The following CDH13 variants were observed in gnomAD, a reference collection of about 807,000 sequenced individuals.
The protein encoded by CDH13 is cadherin-13.
A neutral mutation model predicts 63.8 loss-of-function variants in CDH13; 24 were observed. The observed-to-expected ratio is 0.38, with a 90% CI of 0.27 to 0.53. The LOEUF (loss-of-function observed/expected upper bound fraction) is 0.53. Ranked by LOEUF, CDH13 falls within the 20% of genes least tolerant of loss-of-function variation. The pLI is 0.85. For missense variants in CDH13, 1,049 were observed against 903.1 expected, an observed-to-expected ratio of 1.16 and a Z score of -2.07; for synonymous variants, 503 against 355.3, an observed-to-expected ratio of 1.42 and a Z score of -4.67.
In CDH13 at chr16:82,730,843, T is replaced by A. The variant is rs7196302; in HGVS notation, c.45+103706T>A. On this transcript the variant is annotated intron_variant, in intron 1 of 13. Coordinates refer to ENST00000567109, the MANE Select transcript of CDH13 (RefSeq NM_001257.5). ...CCAGCCCAGATTTGTTACATTTTCATGAATTTTTCAAATGTTTTGTTAAAT... is the reference window on the plus strand; with the variant it reads ...CCAGCCCAGATTTGTTACATTTTCAAGAATTTTTCAAATGTTTTGTTAAAT... 9.6e-3 allele frequency among the ~76,000 whole-genome samples: 1,460 copies of A among 152,324 alleles called. 23 individuals are homozygous for A. The highest frequency in any genetic ancestry group is 0.034 in the African/African-American group (1,404 of 41,562).
chr16:82,652,246 G>A (rs1910806159), intron 1 of CDH13, among the ~76,000 whole-genome samples: 1 of 152,180 alleles, frequency 6.6e-6, no homozygotes, highest in Admixed American at 6.5e-5. Context: ...AGCCTGTCAT[G>A]GTGGAACCCC....
At chr16:83,513,410 A>G (rs760361205) in intron 7 of CDH13, among the ~76,000 whole-genome samples, 2 of 152,136 alleles carry the variant, frequency 1.3e-5, no homozygotes, top group African/African-American at 4.8e-5. Context: ...AAAAAGTGCA[A>G]ACTTCTCCTG....
chr16:83,742,669 G>A (rs1291327642), intron 10 of CDH13, among the ~76,000 whole-genome samples: 4 of 152,222 alleles, frequency 2.6e-5, no homozygotes, highest in African/African-American at 4.8e-5. Context: ...GCCAGGAAGC[G>A]GGAGAGCAGG....
At chr16:83,031,395 C>G (rs1157196664) in intron 2 of CDH13, among the ~76,000 whole-genome samples, 2 of 141,366 alleles carry the variant, frequency 1.4e-5, no homozygotes, top group Non-Finnish European at 3.1e-5. Flanking sequence ...TATGTATATA[C>G]ATATACATGT....
intron 6 of CDH13, among the ~76,000 whole-genome samples, chr16:83,463,838 C>T (rs1290540367): frequency 5.9e-5 from 9 of 152,076 alleles, no homozygotes; most frequent in Admixed American, 3.3e-4. Flanking sequence ...TGGAGCACTT[C>T]GGATTCTGTT....
intron 10 of CDH13, 150 bp from the exon 11 acceptor site, chr16:83,747,958 G>A (rs1338621005): frequency 3.7e-6 from 3 of 804,864 alleles, no homozygotes; most frequent in Admixed American, 1.9e-5. Flanking sequence ...TCTTGACTTT[G>A]TGAATGAGCA....
chr16:83,792,632 C>G (rs535779494), intron 13 of CDH13, among the ~76,000 whole-genome samples: 2 of 152,268 alleles, frequency 1.3e-5, no homozygotes, highest in East Asian at 1.9e-4. Context: ...CAGCACCCCC[C>G]ACAAAGAATT....
At chr16:83,034,750 C>T (rs1014205057) in intron 3 of CDH13, among the ~76,000 whole-genome samples, 4 of 152,118 alleles carry the variant, frequency 2.6e-5, no homozygotes, top group African/African-American at 7.2e-5. Flanking sequence ...GGCAGGTTCT[C>T]GGGACCAACC....
intron 4 of CDH13, among the ~76,000 whole-genome samples, chr16:83,210,717 A>G (rs2039314425): frequency 6.6e-6 from 1 of 151,920 alleles, no homozygotes; most frequent in Admixed American, 6.6e-5. Context: ...TTTTCTATAC[A>G]AGGAAAAAAG....
intron 2 of CDH13, among the ~76,000 whole-genome samples, chr16:82,949,928 G>C (rs762450689): frequency 3.9e-5 from 6 of 152,016 alleles, no homozygotes; most frequent in Non-Finnish European, 8.8e-5. Context: ...TGTTCACTGT[G>C]GTTTACTTGG....
intron 3 of CDH13, among the ~76,000 whole-genome samples, chr16:83,051,670 G>A (rs191790868): frequency 6.6e-6 from 1 of 152,318 alleles, no homozygotes; most frequent in Admixed American, 6.5e-5. Flanking sequence ...TTCCCACTTA[G>A]AGCAAGATCT....
chr16:83,596,444 T>C (rs535359049), intron 7 of CDH13, among the ~76,000 whole-genome samples: 1 of 152,178 alleles, frequency 6.6e-6, no homozygotes, highest in Non-Finnish European at 1.5e-5. Context: ...TAGTCAATTC[T>C]TGGCAAGAGA....
rs767018555 is a variant in CDH13, at chr16:83,358,296, C to T, written c.781+13290C>T. On this transcript the variant is annotated intron_variant, in intron 6 of 13. Coordinates refer to ENST00000567109, the MANE Select transcript of CDH13 (RefSeq NM_001257.5). ...ACCTAGGAAGAGTACCCTGTATTCT[C>T]CTCCTACCACCTATTTCTTTTGCTG... Among the ~76,000 whole-genome samples, 60 of 152,124 alleles carry T rather than the reference C, an allele frequency of 3.9e-4. 1 individual carries two copies. Among genetic ancestry groups the T allele is most frequent in the Non-Finnish European group, 7.6e-4 (52 of 68,018 alleles).
At chr16:83,028,030 T>C (rs925889526) in intron 2 of CDH13, among the ~76,000 whole-genome samples, 3 of 152,156 alleles carry the variant, frequency 2.0e-5, no homozygotes, top group African/African-American at 7.2e-5. Flanking sequence ...GAAACTTAGC[T>C]GGGAATCCAG....
chr16:83,795,076 AG>A lies in CDH13; in HGVS notation c.*48del. The stretch of plus-strand genomic sequence containing the variant: ...TTGACTCCCAAGTTTCCATAGCAAC[AG>A]GAAAAAAAAAAATCTATCCAAATCT... On this transcript the variant is annotated 3_prime_UTR_variant, in exon 14 of 14. Coordinates refer to ENST00000567109, the MANE Select transcript of CDH13 (RefSeq NM_001257.5). 1 of 1,534,846 alleles carries A rather than the reference AG, an allele frequency of 6.5e-7. No homozygotes were observed. The highest frequency in any genetic ancestry group is 8.8e-7 in the Non-Finnish European group (1 of 1,134,594).
At chr16:82,912,932 G>C (rs1282621323) in intron 2 of CDH13, among the ~76,000 whole-genome samples, 2 of 148,794 alleles carry the variant, frequency 1.3e-5, no homozygotes, top group African/African-American at 2.5e-5. Context: ...GACAGAGCGA[G>C]ACTGTGACTA....
chr16:83,499,626 T>C (rs2074224833), intron 7 of CDH13, among the ~76,000 whole-genome samples: 1 of 152,258 alleles, frequency 6.6e-6, no homozygotes, highest in Admixed American at 6.5e-5. Context: ...TGCCTTGGTT[T>C]CTTCAACTGT....
intron 5 of CDH13, among the ~76,000 whole-genome samples, chr16:83,251,069 G>A (rs901462452): frequency 6.6e-6 from 1 of 152,026 alleles, no homozygotes; most frequent in Admixed American, 6.6e-5. Flanking sequence ...TGACTTTGGA[G>A]GATAATGAAA....
intron 5 of CDH13, among the ~76,000 whole-genome samples, chr16:83,270,667 C>T (rs1175144269): frequency 6.6e-6 from 1 of 152,158 alleles, no homozygotes; most frequent in Non-Finnish European, 1.5e-5. Flanking sequence ...AATAACTCTC[C>T]CTCACGCTTA....
Sources: allele counts gnomAD v4.1 joint callset (sites outside exome capture counted in the v4.1 genomes callset), GRCh38; gene constraint gnomAD v4.1.1; transcripts MANE v1.5; gene names NCBI Gene and HGNC (gene_info 2026-07-23, HGNC 2026-07-21).